Variants in ZNF558 observed in about 807,000 individuals in gnomAD.
ZNF558 encodes the protein zinc finger protein 558.
ZNF558 carries 23 observed loss-of-function variants against 37.6 expected under a neutral mutation model. The observed-to-expected ratio is 0.61, with a 90% CI of 0.44 to 0.87. The LOEUF is 0.87. Among genes scored for constraint, ZNF558 ranks in the 40% least tolerant of loss-of-function variants. The pLI is 0.00. For missense variants in ZNF558, 429 were observed against 483.7 expected (o/e 0.89, Z 1.06); for synonymous variants, 189 against 174.4 (o/e 1.08, Z -0.66).
intron 7 of ZNF558, among the ~76,000 whole-genome samples, chr19:8,814,955 G>A (rs546162620): frequency 2.6e-5 from 4 of 152,150 alleles, no homozygotes; most frequent in Non-Finnish European, 4.4e-5. Context: ...TAGAACTGTT[G>A]TATGTTCTAT....
At chr19:8,820,373 T>C (rs1005617151) in intron 7 of ZNF558, among the ~76,000 whole-genome samples, 4 of 152,218 alleles carry the variant, frequency 2.6e-5, no homozygotes, top group Non-Finnish European at 5.9e-5. Context: ...ACAACTCAAA[T>C]GTTTCTCAAT....
chr19:8,811,670 T>G lies in ZNF558; in HGVS notation c.820A>C (p.Ser274Arg). The G allele has an allele frequency of 6.2e-7, 1 of 1,614,218 alleles. No homozygotes were observed. The highest frequency in any genetic ancestry group is 8.5e-7 in the Non-Finnish European group (1 of 1,180,036). Reference protein sequence around the residue: ...HECNQCGKAFSTRSSLTGHNS... With the variant: ...HECNQCGKAFRTRSSLTGHNS... Reference sequence around the variant, plus strand: ...TGCCCAGTGAGAGAGGACCTTGTGCTGAAAGCTTTTCCACACTGATTACAT... The same window carrying G: ...TGCCCAGTGAGAGAGGACCTTGTGCGGAAAGCTTTTCCACACTGATTACAT... The change falls in exon 10 of 10, where the codon AGC becomes CGC. Residue 274 changes from serine to arginine, a missense_variant. Transcript: ENST00000601372.
At chr19:8,823,021 C>T (rs989284017) in intron 4 of ZNF558, 22 of 275,956 alleles carry the variant, frequency 8.0e-5, no homozygotes, top group Admixed American at 3.0e-4. Flanking sequence ...AACGCATTCC[C>T]GGCTACTCCC....
upstream of ZNF558, among the ~76,000 whole-genome samples, chr19:8,835,159 C>G (rs997222568): frequency 1.3e-5 from 2 of 151,566 alleles, no homozygotes; most frequent in African/African-American, 4.9e-5. Flanking sequence ...TCAAGCGATT[C>G]TCCTGCCTCA....
chr19:8,835,761 T>A (rs1373167977), upstream of ZNF558, among the ~76,000 whole-genome samples: 5 of 152,226 alleles, frequency 3.3e-5, no homozygotes, highest in Non-Finnish European at 7.3e-5. Context: ...TAGCCCAAAA[T>A]TTTGTATGTC....
intron 7 of ZNF558, among the ~76,000 whole-genome samples, chr19:8,815,390 T>C (rs1175246688): frequency 6.6e-6 from 1 of 152,028 alleles, no homozygotes; most frequent in Non-Finnish European, 1.5e-5. Context: ...AAAAGTACAA[T>C]AGCTGAAATG....
upstream of ZNF558, among the ~76,000 whole-genome samples, chr19:8,837,153 C>T (rs2044464067): frequency 6.6e-6 from 1 of 152,156 alleles, no homozygotes; most frequent in Non-Finnish European, 1.5e-5. Context: ...TTGATAAGTA[C>T]CAGTTTCTCA....
chr19:8,827,007 T>C (rs1268734847), intron 2 of ZNF558, among the ~76,000 whole-genome samples: 1 of 151,898 alleles, frequency 6.6e-6, no homozygotes, highest in Non-Finnish European at 1.5e-5. Flanking sequence ...TGAGGGGGGG[T>C]TGGCCTCCAG....
In ZNF558 at chr19:8,822,158, G is replaced by T; in HGVS notation, c.32-67C>A. ...GACACCCACAGATCTGCCCCTGATT[G>T]ACCACACCCACCTCCCACACCCACA... On this transcript the variant is annotated intron_variant, in intron 5 of 9. Coordinates refer to ENST00000601372, the MANE Select transcript of ZNF558 (RefSeq NM_144693.3). This position sits in a 1 kb window ranked among gnomAD's most constrained non-coding sequence, Gnocchi z 4.4. 6.3e-7 allele frequency: 1 copy of T among 1,594,766 alleles called. No individual in the cohort carries two copies. The highest frequency in any genetic ancestry group is 1.1e-5 in the South Asian group (1 of 89,410).
rs1406107101 is a variant in ZNF558 at position 8,808,397 on chromosome 19, AAAGG to A, written c.*2880_*2883del. 10 of 40,594 alleles carry A rather than the reference AAAGG, an allele frequency of 2.5e-4. No homozygotes were observed. Among genetic ancestry groups the A allele is most frequent in the Non-Finnish European group, 4.7e-4 (10 of 21,174 alleles). 2.5% of individuals were successfully genotyped at this position (40,594 alleles called of 1,614,324 possible). A position where few individuals can be genotyped will look rare whatever the true frequency, so the allele number is the denominator to read the frequency against. On this transcript the variant is annotated 3_prime_UTR_variant, in exon 10 of 10. Transcript: ENST00000601372. ...ATGTAAAAATATCATCTCCACATAA[AAAGG>A]AATACAGAATACCTAATCCTGTATG...
intron 7 of ZNF558, among the ~76,000 whole-genome samples, chr19:8,820,778 T>C (rs988049073): frequency 2.0e-5 from 3 of 152,156 alleles, no homozygotes; most frequent in Non-Finnish European, 4.4e-5. Context: ...ACCTGGCCCA[T>C]AGCTAAGTTT....
chr19:8,832,986 G>GGGGCGGGGCTGACTGT (rs2044399951), upstream of ZNF558: 2 of 153,524 alleles, frequency 1.3e-5, no homozygotes, highest in African/African-American at 2.4e-5. Context: ...AGCAAGCCTG[G>GGGGCGGGGCTGACTGT]GGGCGGGGCT....
At chr19:8,812,534 A>C in intron 9 of ZNF558, 27 bp downstream of exon 9, 1 of 1,477,828 alleles carries the variant, frequency 6.8e-7, no homozygotes, top group Non-Finnish European at 9.1e-7. Flanking sequence ...ACTGTAGAAA[A>C]CCAGAAATCA....
chr19:8,821,401 AC>A (rs1454873668), intron 6 of ZNF558, 95 bp from the exon 7 acceptor site: 1 of 1,611,088 alleles, frequency 6.2e-7, no homozygotes. Flanking sequence ...GGCTGGGGAA[AC>A]CTGAGCACGA....
At position 8,821,243 on chromosome 19, in the gene ZNF558, G is replaced by A; in HGVS notation, c.184C>T (p.Pro62Ser). 6.2e-7 allele frequency: 1 copy of A among 1,614,118 alleles called. No individual in the cohort carries two copies. The change falls in exon 7 of 10, where the codon CCT (proline) becomes TCT (serine). Residue 62 changes from proline to serine, a missense_variant. Transcript: ENST00000601372. The part of the protein sequence containing the change: ...FTQEEWALLD[P>S]AQRTLYRDVM... ...TCCCTGTACAGTGTCCTTTGGGCAGGGTCCAGCAACGCCCACTCCTCCTGG... is the reference window on the plus strand; with the variant it reads ...TCCCTGTACAGTGTCCTTTGGGCAGAGTCCAGCAACGCCCACTCCTCCTGG...
intron 7 of ZNF558, among the ~76,000 whole-genome samples, chr19:8,816,880 G>A: frequency 6.6e-6 from 1 of 152,078 alleles, no homozygotes; most frequent in East Asian, 1.9e-4. Flanking sequence ...GATGCAATTT[G>A]TGACAAAATT....
chr19:8,816,114 T>C (rs1375474809), intron 7 of ZNF558, among the ~76,000 whole-genome samples: 1 of 152,104 alleles, frequency 6.6e-6, no homozygotes, highest in African/African-American at 2.4e-5. Context: ...TCACCCACGC[T>C]GGAGTGCAGT....
In ZNF558 at chr19:8,807,893, C is replaced by T. The variant is rs1325579561; in HGVS notation, c.*3388G>A. ...GGTAGTGGTTAAGTGCATGGACTGT[C>T]TGGGTTCAGATCTTGGCTCTACCAT... On this transcript the variant is annotated 3_prime_UTR_variant, in exon 10 of 10. Transcript: ENST00000601372. The T allele has an allele frequency of 2.0e-5, 3 of 152,154 alleles. No individual in the cohort carries two copies. In the East Asian group the frequency reaches 5.8e-4, roughly 29 times the overall value. 9.4% of individuals were successfully genotyped at this position (152,154 alleles called of 1,614,324 possible).
rs2043822702 is a variant in ZNF558, at chr19:8,812,598, T to C, written c.389A>G (p.Asn130Ser). 6.2e-7 allele frequency: 1 copy of C among 1,603,970 alleles called. No homozygotes were observed. The highest frequency in any genetic ancestry group is 8.5e-7 in the Non-Finnish European group (1 of 1,177,618). Residue 130 changes from asparagine to serine, a missense_variant, in exon 9 of 10, where the codon AAT becomes AGT. Coordinates refer to ENST00000601372, the MANE Select transcript of ZNF558 (RefSeq NM_144693.3). ...LKAKWLTPKK[N>S]VFRKEQSKGV... ...TTTAGACTGTTCTTTTCTGAAAACA[T>C]TCTTCTTAGGAGTTAACCATTTGGC...
Sources: allele counts gnomAD v4.1 joint callset (sites outside exome capture counted in the v4.1 genomes callset), GRCh38; gene constraint gnomAD v4.1.1; non-coding constraint Gnocchi (gnomAD v3.1); transcripts MANE v1.5; gene names NCBI Gene and HGNC (gene_info 2026-07-23, HGNC 2026-07-21).